DLGAP1: variants seen among roughly 807,000 people sequenced by gnomAD.
The protein encoded by DLGAP1 is disks large-associated protein 1.
In DLGAP1, 11 loss-of-function variants were observed where a neutral mutation model predicts 90.8. That is an observed-to-expected ratio of 0.12 (90% confidence interval 0.08 to 0.20). DLGAP1 has a LOEUF of 0.20. Among genes scored for constraint, DLGAP1 ranks in the 10% least tolerant of loss-of-function variants. DLGAP1 has a pLI of 1.00. For synonymous variants in DLGAP1, 558 were observed against 540.7 expected, an observed-to-expected ratio of 1.03 and a Z score of -0.44; for missense variants, 1,050 against 1,333.8, an observed-to-expected ratio of 0.79 and a Z score of 3.31.
intron 1 of DLGAP1, among the ~76,000 whole-genome samples, chr18:4,268,324 T>C (rs2079176051): frequency 6.6e-6 from 1 of 152,238 alleles, no homozygotes; most frequent in East Asian, 1.9e-4. Flanking sequence ...ATAAACAGTA[T>C]TTTTTAATAA....
intron 4 of DLGAP1, among the ~76,000 whole-genome samples, chr18:3,853,748 T>C (rs1599008088): frequency 6.6e-6 from 1 of 152,276 alleles, no homozygotes; most frequent in Middle Eastern, 3.4e-3. Flanking sequence ...GAGTGTCATG[T>C]TGGCTCTCAA....
chr18:4,251,190 G>A (rs1568472146), intron 1 of DLGAP1, among the ~76,000 whole-genome samples: 2 of 152,184 alleles, frequency 1.3e-5, no homozygotes, highest in South Asian at 4.1e-4. Flanking sequence ...TAGACAGAGA[G>A]AAAGACAGAT....
intron 5 of DLGAP1, among the ~76,000 whole-genome samples, chr18:3,787,480 CAAAAAAAAAAAAAAAA>C (rs1189558362): frequency 6.3e-5 from 4 of 63,778 alleles, no homozygotes; most frequent in South Asian, 9.5e-4. Flanking sequence ...AACTCCATCT[CAAAAAAAAAAAAAAAA>C]AAAAAAAAAA....
intron 1 of DLGAP1, among the ~76,000 whole-genome samples, chr18:4,219,601 A>G (rs1030751856): frequency 2.6e-5 from 4 of 152,032 alleles, no homozygotes; most frequent in African/African-American, 9.7e-5. Context: ...GTTGCTTTAT[A>G]GTTTCATGTC....
intron 2 of DLGAP1, among the ~76,000 whole-genome samples, chr18:4,146,839 C>T (rs1324017419): frequency 6.6e-6 from 1 of 151,852 alleles, no homozygotes; most frequent in Non-Finnish European, 1.5e-5. Context: ...CTACAGAATA[C>T]ATAACAAAAA....
chr18:4,239,881 G>A (rs892204222), intron 1 of DLGAP1, among the ~76,000 whole-genome samples: 5 of 152,188 alleles, frequency 3.3e-5, no homozygotes, highest in Admixed American at 3.3e-4. Context: ...ATCTGGATAT[G>A]AGTCTGCAAA....
At chr18:3,532,908 TTC>T (rs2052103980) in intron 10 of DLGAP1, among the ~76,000 whole-genome samples, 1 of 152,238 alleles carries the variant, frequency 6.6e-6, no homozygotes, top group Non-Finnish European at 1.5e-5. Context: ...TTGATTATTT[TTC>T]TTTTTCAACT....
chr18:3,918,304 G>T (rs1047251599), intron 3 of DLGAP1, among the ~76,000 whole-genome samples: 1 of 152,124 alleles, frequency 6.6e-6, no homozygotes, highest in African/African-American at 2.4e-5. Flanking sequence ...TTTCAAGTAC[G>T]TAAACTGAAC....
intron 1 of DLGAP1, among the ~76,000 whole-genome samples, chr18:4,191,894 A>T (rs1053856322): frequency 1.3e-5 from 2 of 152,162 alleles, no homozygotes; most frequent in African/African-American, 4.8e-5. Context: ...ATGGGTGCAC[A>T]CAATGTATAT....
At chr18:3,824,282 G>A (rs1209563622) in intron 4 of DLGAP1, among the ~76,000 whole-genome samples, 1 of 152,140 alleles carries the variant, frequency 6.6e-6, no homozygotes, top group Non-Finnish European at 1.5e-5. Context: ...GATGTGGGTA[G>A]AAGATTAGTG....
chr18:4,389,005 T>TAC, intron 1 of DLGAP1, among the ~76,000 whole-genome samples: 1 of 152,308 alleles, frequency 6.6e-6, no homozygotes, highest in South Asian at 2.1e-4. Flanking sequence ...GTTCCACTTC[T>TAC]GGGTATATGG....
chr18:4,051,649 A>T (rs957049833), intron 2 of DLGAP1, among the ~76,000 whole-genome samples: 1 of 152,126 alleles, frequency 6.6e-6, no homozygotes, highest in African/African-American at 2.4e-5. Context: ...GCCCCTCCCA[A>T]ATCTCATGTC....
chr18:3,947,192 C>A (rs77000090), intron 3 of DLGAP1, among the ~76,000 whole-genome samples: 448 of 152,238 alleles, frequency 2.9e-3, no homozygotes, highest in African/African-American at 0.01. Context: ...AACCTAAGAT[C>A]TTTTTAGGGG....
At chr18:4,262,723 C>T (rs962639984) in intron 1 of DLGAP1, among the ~76,000 whole-genome samples, 1 of 152,112 alleles carries the variant, frequency 6.6e-6, no homozygotes, top group Non-Finnish European at 1.5e-5. Context: ...TGGGTTTGAA[C>T]CACCCTCAGT....
At chr18:3,808,665 C>T (rs2066682183) in intron 5 of DLGAP1, among the ~76,000 whole-genome samples, 1 of 152,054 alleles carries the variant, frequency 6.6e-6, no homozygotes, top group Non-Finnish European at 1.5e-5. Context: ...GAAAAAATAG[C>T]GATGCTCCAA....
At chr18:4,202,137 A>AAG (rs1216798538) in intron 1 of DLGAP1, among the ~76,000 whole-genome samples, 2 of 151,966 alleles carry the variant, frequency 1.3e-5, no homozygotes, top group Non-Finnish European at 2.9e-5. Flanking sequence ...GTGTATACAT[A>AAG]CGCACACACA....
intron 9 of DLGAP1, among the ~76,000 whole-genome samples, chr18:3,543,083 T>A (rs1051763256): frequency 1.3e-5 from 2 of 151,884 alleles, no homozygotes; most frequent in African/African-American, 4.8e-5. Context: ...AGTAGTCAAC[T>A]CCCAAATTTT....
intron 1 of DLGAP1, among the ~76,000 whole-genome samples, chr18:4,323,706 CA>C (rs760183353): frequency 3.4e-4 from 52 of 151,710 alleles, no homozygotes; most frequent in East Asian, 1.9e-4. Context: ...AAATAAAAAC[CA>C]ATACTTAAAA....
At chr18:3,721,323 A>G (rs2147348461) in intron 7 of DLGAP1, among the ~76,000 whole-genome samples, 1 of 152,326 alleles carries the variant, frequency 6.6e-6, no homozygotes, top group South Asian at 2.1e-4. Flanking sequence ...TGCTTAATTT[A>G]CGCATGAGTT....
Sources: allele counts gnomAD v4.1 joint callset (sites outside exome capture counted in the v4.1 genomes callset), GRCh38; gene constraint gnomAD v4.1.1; transcripts MANE v1.5; gene names NCBI Gene and HGNC (gene_info 2026-07-23, HGNC 2026-07-21).